Variants in MAMLD1 observed in about 807,000 individuals in gnomAD.
The protein encoded by MAMLD1 is mastermind like domain containing 1.
MAMLD1 carries 14 observed loss-of-function variants against 45.0 expected under a neutral mutation model. The ratio of observed to expected loss-of-function variants is 0.31; its 90% CI spans 0.21 to 0.49. MAMLD1 has a LOEUF of 0.49. Ranked by LOEUF, MAMLD1 falls within the 20% of genes least tolerant of loss-of-function variation. MAMLD1 has a pLI of 0.99. For missense variants in MAMLD1, 543 were observed against 603.6 expected, an observed-to-expected ratio of 0.90 and a Z score of 1.05; for synonymous variants, 254 against 247.8, an observed-to-expected ratio of 1.02 and a Z score of -0.24.
chrX:150,485,460 G>A (rs1212145581), intron 5 of MAMLD1, among the ~76,000 whole-genome samples: 6 of 111,115 alleles, frequency 5.4e-5, no homozygotes. Flanking sequence ...TGACTTTCTG[G>A]TATGCTCTTG....
chrX:150,478,265 G>A (rs2036644621), intron 5 of MAMLD1, among the ~76,000 whole-genome samples: 1 of 112,356 alleles, frequency 8.9e-6, no homozygotes, highest in South Asian at 3.7e-4. Context: ...TTTACAACTA[G>A]AGTCAGGAGA....
chrX:150,435,541 G>C (rs1557404255), intron 1 of MAMLD1, among the ~76,000 whole-genome samples: 2 of 112,032 alleles, frequency 1.8e-5, no homozygotes, highest in African/African-American at 6.5e-5. Context: ...AGCAACCCCT[G>C]CTTTTTTGTG....
At chrX:150,453,932 C>T (rs1350360791) in intron 2 of MAMLD1, among the ~76,000 whole-genome samples, 5 of 112,468 alleles carry the variant, frequency 4.4e-5, no homozygotes, top group African/African-American at 1.3e-4. Flanking sequence ...ACACTCTTAA[C>T]TTGTTCTTGT....
chrX:150,379,676 T>G (rs2032504773), intron 1 of MAMLD1, among the ~76,000 whole-genome samples: 1 of 112,512 alleles, frequency 8.9e-6, no homozygotes, highest in South Asian at 3.6e-4. Flanking sequence ...CTCATTCCAC[T>G]CATTTCCTGT....
At chrX:150,488,069 C>G (rs1366684813) in intron 5 of MAMLD1, among the ~76,000 whole-genome samples, 1 of 112,765 alleles carries the variant, frequency 8.9e-6, no homozygotes, top group African/African-American at 3.2e-5. Flanking sequence ...TCAGAAGACA[C>G]AAACACACAG....
chrX:150,367,716 C>A (rs1427385428), intron 1 of MAMLD1, among the ~76,000 whole-genome samples: 2 of 109,763 alleles, frequency 1.8e-5, no homozygotes, highest in African/African-American at 3.3e-5. Flanking sequence ...CTCCTCCCCC[C>A]ACCCCACGAC....
At chrX:150,487,839 G>A (rs994258564) in intron 5 of MAMLD1, among the ~76,000 whole-genome samples, 2 of 112,226 alleles carry the variant, frequency 1.8e-5, no homozygotes, top group Admixed American at 1.9e-4. Context: ...CCTCACTGAC[G>A]TGCTCCACCA....
intron 2 of MAMLD1, among the ~76,000 whole-genome samples, chrX:150,460,068 G>A (rs1410961600): frequency 4.4e-5 from 5 of 112,553 alleles, no homozygotes; most frequent in African/African-American, 1.3e-4. Flanking sequence ...CTATGTGAAT[G>A]CATACAAAGT....
At chrX:150,446,381 G>A (rs1557404796) in intron 2 of MAMLD1, among the ~76,000 whole-genome samples, 1 of 111,416 alleles carries the variant, frequency 9.0e-6, no homozygotes. Context: ...CCGTGGGTCG[G>A]CTTCCTTCCT....
intron 2 of MAMLD1, among the ~76,000 whole-genome samples, chrX:150,454,958 G>A (rs981103920): frequency 6.3e-5 from 7 of 110,405 alleles, no homozygotes; most frequent in East Asian, 2.8e-4. Context: ...GATTACTATC[G>A]CCATCCCCTC....
At position 150,512,761 on chromosome X, in the gene MAMLD1, C is replaced by A; in HGVS notation, c.*802C>A. ...CAAGCTATGTGGCTGCTGCTGCCAC[C>A]GCTGCTGCTGCTTCTGCCGTTGCTG... On this transcript the variant is annotated 3_prime_UTR_variant, in exon 8 of 8. Coordinates refer to ENST00000370401, the MANE Select transcript of MAMLD1 (RefSeq NM_005491.5). 1 of 1,154,654 alleles carries A rather than the reference C, an allele frequency of 8.7e-7. No individual in the cohort carries two copies. Among genetic ancestry groups the A allele is most frequent in the Non-Finnish European group, 1.1e-6 (1 of 871,684 alleles).
chrX:150,380,815 G>T (rs971094253), intron 1 of MAMLD1, among the ~76,000 whole-genome samples: 12 of 110,033 alleles, frequency 1.1e-4, no homozygotes, highest in Non-Finnish European at 1.3e-4. Flanking sequence ...CAGTGGCATA[G>T]TCATAGTCAG....
At chrX:150,482,016 GAA>G (rs1169853493) in intron 5 of MAMLD1, among the ~76,000 whole-genome samples, 1 of 106,948 alleles carries the variant, frequency 9.4e-6, no homozygotes, top group Non-Finnish European at 1.9e-5. Flanking sequence ...AAGAAAGAAA[GAA>G]AGAAAGAAAG....
chrX:150,420,597 T>C (rs2034456056), intron 1 of MAMLD1, among the ~76,000 whole-genome samples: 1 of 112,245 alleles, frequency 8.9e-6, no homozygotes, highest in South Asian at 3.7e-4. Context: ...TTGATGATGG[T>C]GATGTACAGA....
At chrX:150,442,219 T>A (rs1557404578) in intron 1 of MAMLD1, among the ~76,000 whole-genome samples, 1 of 111,679 alleles carries the variant, frequency 9.0e-6, no homozygotes, top group Admixed American at 9.5e-5. Context: ...TATCATTGGA[T>A]CATGTTATCT....
chrX:150,399,643 T>C (rs1469694052), intron 1 of MAMLD1, among the ~76,000 whole-genome samples: 25 of 108,110 alleles, frequency 2.3e-4, no homozygotes, highest in Non-Finnish European at 1.2e-4. Flanking sequence ...GAGATAGGAG[T>C]GATGCATCTT....
At chrX:150,447,426 ACT>A (rs1237492530) in intron 2 of MAMLD1, among the ~76,000 whole-genome samples, 2 of 111,234 alleles carry the variant, frequency 1.8e-5, no homozygotes, top group African/African-American at 6.6e-5. Context: ...TCCAAAAGCA[ACT>A]CTCTCAGATG....
chrX:150,405,065 T>C (rs946904427), intron 1 of MAMLD1, among the ~76,000 whole-genome samples: 2 of 112,345 alleles, frequency 1.8e-5, no homozygotes, highest in African/African-American at 3.2e-5. Flanking sequence ...TTGGGTTATA[T>C]GGTGTACGTT....
intron 5 of MAMLD1, among the ~76,000 whole-genome samples, chrX:150,484,618 G>C (rs868958137): frequency 8.9e-5 from 10 of 112,589 alleles, no homozygotes; most frequent in Non-Finnish European, 1.7e-4. Flanking sequence ...CTTCCAAGCC[G>C]TGTAGTTATT....
Sources: allele counts gnomAD v4.1 joint callset (sites outside exome capture counted in the v4.1 genomes callset), GRCh38; gene constraint gnomAD v4.1.1; transcripts MANE v1.5; gene names NCBI Gene and HGNC (gene_info 2026-07-23, HGNC 2026-07-21).